SYNJ2BP: variants seen among roughly 807,000 people sequenced by gnomAD.
The protein encoded by SYNJ2BP is synaptojanin 2 binding protein, also known as synaptojanin-2-binding protein.
Under a neutral mutation model 16.9 loss-of-function variants are expected in SYNJ2BP, and 10 were observed. The observed-to-expected ratio is 0.59, with a 90% CI of 0.36 to 1.00. The LOEUF (loss-of-function observed/expected upper bound fraction) is 1.00. SYNJ2BP is among the 50% of genes least tolerant of loss of function. SYNJ2BP has a pLI of 0.01. For missense variants in SYNJ2BP, 162 were observed against 186.7 expected (o/e 0.87, Z 0.77); for synonymous variants, 54 against 68.4 (o/e 0.79, Z 1.04).
chr14:70,379,786 G>A (rs1887707891), intron 2 of SYNJ2BP, among the ~76,000 whole-genome samples: 1 of 152,296 alleles, frequency 6.6e-6, no homozygotes, highest in East Asian at 1.9e-4. Context: ...CCATGTGATA[G>A]CTCTATTTCT....
chr14:70,409,948 A>G (rs1351607805), intron 1 of SYNJ2BP, among the ~76,000 whole-genome samples: 1 of 53,166 alleles, frequency 1.9e-5, no homozygotes, highest in Non-Finnish European at 3.7e-5. Flanking sequence ...CGTCTCTACA[A>G]ATAATTAAAA....
rs538572791 is a variant in SYNJ2BP at position 70,367,918 on chromosome 14, A to C, written c.*5073T>G. ...ATTTATCTCTCTATCTTCGGCACCT[A>C]GCACATAGTAGGCAGTCATTAGTTA... On this transcript the variant is annotated 3_prime_UTR_variant, in exon 4 of 4. Coordinates refer to ENST00000256366, the MANE Select transcript of SYNJ2BP (RefSeq NM_018373.3). The C allele has an allele frequency of 1.3e-5, 2 of 152,220 alleles. No individual in the cohort carries two copies. The highest frequency in any genetic ancestry group is 2.9e-5 in the Non-Finnish European group (2 of 68,044). The allele number at this position is 152,220 out of a possible 1,614,324, so 9.4% of individuals were successfully genotyped here.
At chr14:70,393,613 A>G (rs1888025307) in intron 1 of SYNJ2BP, among the ~76,000 whole-genome samples, 2 of 152,218 alleles carry the variant, frequency 1.3e-5, no homozygotes, top group Non-Finnish European at 2.9e-5. Flanking sequence ...ATGGAATACT[A>G]TGCAGCCATA....
chr14:70,392,243 T>C (rs188960211), intron 1 of SYNJ2BP, among the ~76,000 whole-genome samples: 2 of 152,348 alleles, frequency 1.3e-5, no homozygotes, highest in East Asian at 3.9e-4. Flanking sequence ...GAGGAAGATA[T>C]AAAGCTAACC....
At chr14:70,395,103 A>G (rs1324825009) in intron 1 of SYNJ2BP, among the ~76,000 whole-genome samples, 1 of 152,218 alleles carries the variant, frequency 6.6e-6, no homozygotes, top group African/African-American at 2.4e-5. Context: ...TGCTGGGATA[A>G]TGGTTGTAGA....
At chr14:70,387,553 C>T (rs1317304386) in intron 2 of SYNJ2BP, among the ~76,000 whole-genome samples, 2 of 152,042 alleles carry the variant, frequency 1.3e-5, no homozygotes, top group African/African-American at 2.4e-5. Context: ...GATCTTAGGC[C>T]GGGCCCGGTG....
At chr14:70,381,747 G>A (rs1316839217) in intron 2 of SYNJ2BP, among the ~76,000 whole-genome samples, 1 of 152,210 alleles carries the variant, frequency 6.6e-6, no homozygotes, top group East Asian at 1.9e-4. Context: ...CTCCTTCAAA[G>A]TGATTCTCAA....
chr14:70,373,581 A>G (rs1173587969), intron 3 of SYNJ2BP, among the ~76,000 whole-genome samples: 2 of 152,212 alleles, frequency 1.3e-5, no homozygotes, highest in East Asian at 3.9e-4. Context: ...GGCAATGTCA[A>G]CATAGGTGCA....
At chr14:70,398,587 A>G (rs2140855364) in intron 1 of SYNJ2BP, among the ~76,000 whole-genome samples, 1 of 152,280 alleles carries the variant, frequency 6.6e-6, no homozygotes, top group African/African-American at 2.4e-5. Context: ...CTGAGATCAG[A>G]GCAGGCACTG....
chr14:70,399,253 G>A (rs940051822), intron 1 of SYNJ2BP, among the ~76,000 whole-genome samples: 6 of 152,164 alleles, frequency 3.9e-5, no homozygotes, highest in Admixed American at 6.5e-5. Context: ...CTGGCCTCAC[G>A]GCCCCTCTCT....
intron 1 of SYNJ2BP, among the ~76,000 whole-genome samples, chr14:70,396,327 C>CCCGGCCCAATG (rs1888094007): frequency 6.6e-6 from 1 of 152,122 alleles, no homozygotes; most frequent in Non-Finnish European, 1.5e-5. Context: ...CCATGTTAGC[C>CCCGGCCCAATG]AGGATGGTCT....
At chr14:70,374,208 T>G (rs948441324) in intron 3 of SYNJ2BP, among the ~76,000 whole-genome samples, 3 of 152,202 alleles carry the variant, frequency 2.0e-5, no homozygotes, top group Non-Finnish European at 4.4e-5. Flanking sequence ...GTCCCTATAT[T>G]TACTTGTTTT....
intron 1 of SYNJ2BP, among the ~76,000 whole-genome samples, chr14:70,412,454 T>C (rs1888493151): frequency 6.7e-6 from 1 of 150,360 alleles, no homozygotes; most frequent in South Asian, 2.1e-4. Context: ...ATTAAATGAG[T>C]ATGTATGTAT....
chr14:70,384,582 C>T lies in SYNJ2BP; in HGVS notation c.201+3888G>A, dbSNP rs1887819880. Among the ~76,000 whole-genome samples, 4 of 152,130 alleles carry T rather than the reference C, an allele frequency of 2.6e-5. 1 individual carries two copies. Among genetic ancestry groups the T allele is most frequent in the Admixed American group, 2.6e-4 (4 of 15,278 alleles). On this transcript the variant is annotated intron_variant, in intron 2 of 3. Coordinates refer to ENST00000256366, the MANE Select transcript of SYNJ2BP (RefSeq NM_018373.3). ...TTGAAGCAAACTCTTGTAATTCTCA[C>T]ATGTCATGGGAAGGACCTGGTGGGA...
intron 1 of SYNJ2BP, among the ~76,000 whole-genome samples, chr14:70,414,395 G>A (rs1391911278): frequency 6.6e-6 from 1 of 152,154 alleles, no homozygotes; most frequent in Admixed American, 6.6e-5. Flanking sequence ...ATTTTTGGGT[G>A]AAATATATTA....
At chr14:70,375,820 T>C in intron 2 of SYNJ2BP, 49 bp from the exon 3 acceptor site, 1 of 1,600,628 alleles carries the variant, frequency 6.2e-7, no homozygotes, top group South Asian at 1.1e-5. Flanking sequence ...CTATTAGAAG[T>C]CAACAATTTA....
At chr14:70,408,143 A>C (rs1269235641) in intron 1 of SYNJ2BP, among the ~76,000 whole-genome samples, 4 of 150,940 alleles carry the variant, frequency 2.7e-5, no homozygotes, top group South Asian at 2.1e-4. Flanking sequence ...CTATTGCAGT[A>C]ATAGGGTTTT....
Position 70,392,386 on chromosome 14 carries a change from A to C in SYNJ2BP, c.65-3780T>G, listed in dbSNP as rs1887997506. Among the ~76,000 whole-genome samples, 3 of 152,330 alleles carry C rather than the reference A, an allele frequency of 2.0e-5. No individual in the cohort carries two copies. The South Asian group carries it at 6.2e-4, about 32-fold the overall frequency. On this transcript the variant is annotated intron_variant, in intron 1 of 3. Transcript: ENST00000256366. ...CTTACCAGATATGTGGACTGAAGCA[A>C]GTCAGTTTACCTCTGATCCTCAGCT...
chr14:70,387,650 T>C (rs1887887595), intron 2 of SYNJ2BP, among the ~76,000 whole-genome samples: 1 of 151,988 alleles, frequency 6.6e-6, no homozygotes. Context: ...GCCAACATGG[T>C]GAAACCCTGT....
Sources: allele counts gnomAD v4.1 joint callset (sites outside exome capture counted in the v4.1 genomes callset), GRCh38; gene constraint gnomAD v4.1.1; transcripts MANE v1.5; gene names NCBI Gene and HGNC (gene_info 2026-07-23, HGNC 2026-07-21).